The following KDM7A variants were observed in gnomAD, a reference collection of about 807,000 sequenced individuals.
KDM7A encodes the protein lysine demethylase 7A, also known as lysine-specific demethylase 7A.
Under a neutral mutation model 114.8 loss-of-function variants are expected in KDM7A, and 28 were observed. The ratio of observed to expected loss-of-function variants is 0.24; its 90% CI spans 0.18 to 0.33. The LOEUF is 0.33. Ranked by LOEUF, KDM7A falls within the 10% of genes least tolerant of loss-of-function variation. KDM7A has a pLI of 1.00. For synonymous variants in KDM7A, 423 were observed against 397.8 expected (o/e 1.06, Z -0.75); for missense variants, 942 against 1,142.5 (o/e 0.82, Z 2.53).
chr7:140,160,931 G>A (rs1031854856), intron 1 of KDM7A, among the ~76,000 whole-genome samples: 1 of 152,078 alleles, frequency 6.6e-6, no homozygotes, highest in African/African-American at 2.4e-5. Context: ...GTCACCATGG[G>A]CTCCAAAGAA....
chr7:140,117,585 T>TTC (rs1249701265), intron 9 of KDM7A, among the ~76,000 whole-genome samples: 1 of 151,984 alleles, frequency 6.6e-6, no homozygotes, highest in East Asian at 1.9e-4. Context: ...AAGTATAGAG[T>TTC]TGTCAATCTC....
chr7:140,092,090 G>T lies in KDM7A; in HGVS notation c.2458-13C>A. 1 of 1,613,424 alleles carries T rather than the reference G, an allele frequency of 6.2e-7. No individual in the cohort carries two copies. Among genetic ancestry groups the T allele is most frequent in the Admixed American group, 1.7e-5 (1 of 59,998 alleles). ...TTCTACTTAGATCCTGAAGGAGGAGGAAGGACATGAGGCTGAATTTTTAGG... is the reference window on the plus strand; with the variant it reads ...TTCTACTTAGATCCTGAAGGAGGAGTAAGGACATGAGGCTGAATTTTTAGG... On this transcript the variant is annotated splice_polypyrimidine_tract_variant and intron_variant, in intron 18 of 19. Coordinates refer to ENST00000397560, the MANE Select transcript of KDM7A (RefSeq NM_030647.2).
chr7:140,162,685 C>T (rs971690660), intron 1 of KDM7A, among the ~76,000 whole-genome samples: 1 of 152,128 alleles, frequency 6.6e-6, no homozygotes, highest in Non-Finnish European at 1.5e-5. Context: ...ACTATGACTA[C>T]AGATAAAAAC....
At chr7:140,159,068 G>A (rs571786958) in intron 1 of KDM7A, among the ~76,000 whole-genome samples, 9 of 152,324 alleles carry the variant, frequency 5.9e-5, no homozygotes, top group African/African-American at 1.2e-4. Context: ...GATACAGGCC[G>A]GGCTTGGTGA....
In KDM7A at chr7:140,089,929, T is replaced by C. The variant is rs1817992889; in HGVS notation, c.*1165A>G. 6.6e-6 allele frequency: 1 copy of C among 152,232 alleles called. No homozygotes were observed. Among genetic ancestry groups the C allele is most frequent in the African/African-American group, 2.4e-5 (1 of 41,464 alleles). The allele number at this position is 152,232 out of a possible 1,614,324, so 9.4% of individuals were successfully genotyped here. A position where few individuals can be genotyped will look rare whatever the true frequency, so the allele number is the denominator to read the frequency against. ...CTTGCTTCTATACAACTTAATGTAGTATTAATCCTATTATATTACGGCTTA... is the reference window on the plus strand; with the variant it reads ...CTTGCTTCTATACAACTTAATGTAGCATTAATCCTATTATATTACGGCTTA... On this transcript the variant is annotated 3_prime_UTR_variant, in exon 20 of 20. Transcript: ENST00000397560.
At chr7:140,119,444 G>A (rs950086761) in intron 8 of KDM7A, among the ~76,000 whole-genome samples, 1 of 152,222 alleles carries the variant, frequency 6.6e-6, no homozygotes, top group East Asian at 1.9e-4. Context: ...GGACTTCACA[G>A]AAGATCAGGA....
intron 10 of KDM7A, among the ~76,000 whole-genome samples, chr7:140,113,204 G>T (rs367667014): frequency 6.6e-6 from 1 of 152,290 alleles, no homozygotes. Flanking sequence ...TAGCACAACT[G>T]TAAGAGCTCA....
chr7:140,117,725 G>A (rs1008732067), intron 9 of KDM7A, among the ~76,000 whole-genome samples: 1 of 152,184 alleles, frequency 6.6e-6, no homozygotes, highest in Non-Finnish European at 1.5e-5. Flanking sequence ...CTATTGTCCA[G>A]TATTTTACTG....
chr7:140,095,127 C>A (rs1034750865), intron 17 of KDM7A, among the ~76,000 whole-genome samples: 2 of 152,160 alleles, frequency 1.3e-5, no homozygotes, highest in Non-Finnish European at 2.9e-5. Context: ...GGATTACTGG[C>A]GTGAACCACT....
At chr7:140,142,567 C>T (rs1285438723) in intron 1 of KDM7A, among the ~76,000 whole-genome samples, 1 of 151,972 alleles carries the variant, frequency 6.6e-6, no homozygotes, top group African/African-American at 2.4e-5. Context: ...CAATAAATAC[C>T]ACAACATACC....
chr7:140,152,403 T>C (rs757640266), intron 1 of KDM7A, among the ~76,000 whole-genome samples: 5 of 152,228 alleles, frequency 3.3e-5, no homozygotes, highest in African/African-American at 1.2e-4. Flanking sequence ...GGAGGATGGA[T>C]TGCTTGAGGC....
chr7:140,126,849 C>A, intron 5 of KDM7A, 26 bp from the exon 6 acceptor site: 3 of 1,506,850 alleles, frequency 2.0e-6, no homozygotes, highest in Non-Finnish European at 2.7e-6. Context: ...CATACACACA[C>A]ACCCACATCA....
chr7:140,157,879 G>A (rs764492970), intron 1 of KDM7A, among the ~76,000 whole-genome samples: 2 of 151,438 alleles, frequency 1.3e-5, no homozygotes, highest in Admixed American at 6.6e-5. Flanking sequence ...CAAGACAGAA[G>A]AATTGCTTGA....
At chr7:140,174,147 G>C (rs1270870639) in intron 1 of KDM7A, among the ~76,000 whole-genome samples, 1 of 149,188 alleles carries the variant, frequency 6.7e-6, no homozygotes, top group East Asian at 2.0e-4. Flanking sequence ...CTGGGTGACA[G>C]AGCGAGACTC....
Position 140,124,739 on chromosome 7 carries a change from C to G in KDM7A, c.933G>C (p.Leu311Phe). Residue 311 changes from leucine to phenylalanine, a missense_variant, in exon 7 of 20, where the codon TTG becomes TTC. This residue lies in a region of KDM7A where 318 missense variants were observed against 453.1 expected (regional missense o/e 0.70). Coordinates refer to ENST00000397560, the MANE Select transcript of KDM7A (RefSeq NM_030647.2). ...FYLIKPTDENLARYESWSSSV... is the reference protein window; with the variant it reads ...FYLIKPTDENFARYESWSSSV... ...ATGAACTCCAAGATTCATAACGTGC[C>G]AAATTTTCATCTGTTGGCTTTATTA... is the stretch of plus-strand genomic sequence containing the variant. 6.2e-7 allele frequency: 1 copy of G among 1,611,996 alleles called. No individual in the cohort carries two copies. Among genetic ancestry groups the G allele is most frequent in the Non-Finnish European group, 8.5e-7 (1 of 1,178,762 alleles).
intron 9 of KDM7A, 24 bp from the exon 10 acceptor site, chr7:140,113,606 GAA>G: frequency 8.0e-7 from 1 of 1,256,310 alleles, no homozygotes; most frequent in Non-Finnish European, 1.1e-6. Context: ...AATGGGGTGA[GAA>G]AAAAAAATAG....
chr7:140,127,726 T>C, intron 4 of KDM7A, 143 bp from the exon 5 acceptor site: 4 of 762,336 alleles, frequency 5.2e-6, no homozygotes, highest in Non-Finnish European at 8.8e-6. Context: ...CCTATACTCT[T>C]AATTTCTCAA....
intron 7 of KDM7A, among the ~76,000 whole-genome samples, chr7:140,121,653 A>G (rs1021549720): frequency 1.3e-5 from 2 of 152,244 alleles, no homozygotes; most frequent in Non-Finnish European, 2.9e-5. Context: ...AGTGGGAGCC[A>G]GGAGTACAAT....
In KDM7A at chr7:140,119,130, A is replaced by G; in HGVS notation, c.1229T>C (p.Leu410Ser). 1 of 1,602,342 alleles carries G rather than the reference A, an allele frequency of 6.2e-7. No individual in the cohort carries two copies. Among genetic ancestry groups the G allele is most frequent in the Non-Finnish European group, 8.5e-7 (1 of 1,171,458 alleles). Reference protein sequence around the residue: ...EAICWFVAKNLLETLKELRED... With the variant: ...EAICWFVAKNSLETLKELRED... ...TTAATTACCTTTCAGGGTTTCCAGC[A>G]AGTTTTTGGCTACAAACCAACATAT... The change falls in exon 9 of 20, where the codon TTG becomes TCG. Residue 410 changes from leucine (L) to serine (S), a missense_variant. By Grantham distance (145) the Leu-to-Ser change is moderately radical. Coordinates refer to ENST00000397560, the MANE Select transcript of KDM7A (RefSeq NM_030647.2).
Sources: gnomAD v4.1 joint callset for allele counts (sites outside exome capture counted in the v4.1 genomes callset) on GRCh38, gnomAD v4.1.1 for gene constraint, gnomAD v4.1.1 regional missense constraint, MANE v1.5 for transcripts, NCBI Gene and HGNC (gene_info 2026-07-23, HGNC 2026-07-21) for gene names.